IQSEC1: variants seen among roughly 807,000 people sequenced by gnomAD.
IQSEC1 encodes the protein IQ motif and SEC7 domain-containing protein 1.
Under a neutral mutation model 91.0 loss-of-function variants are expected in IQSEC1, and 31 were observed. The observed-to-expected ratio is 0.34, with a 90% CI of 0.26 to 0.46. IQSEC1 has a LOEUF of 0.46. Among genes scored for constraint, IQSEC1 ranks in the 20% least tolerant of loss-of-function variants. The pLI is 1.00. For synonymous variants in IQSEC1, 699 were observed against 662.6 expected (o/e 1.05, Z -0.84); for missense variants, 1,388 against 1,575.6 (o/e 0.88, Z 2.02).
intron 1 of IQSEC1, among the ~76,000 whole-genome samples, chr3:13,018,320 G>T (rs1326648459): frequency 6.6e-6 from 1 of 152,194 alleles, no homozygotes; most frequent in Non-Finnish European, 1.5e-5. Flanking sequence ...CGGCCCTCCT[G>T]CCCAGATGCA....
Position 12,900,870 on chromosome 3 carries a change from G to A in IQSEC1, c.*113C>T. The stretch of plus-strand genomic sequence containing the variant: ...TCCGGTTGGGCCGTGAGGGGCAGAG[G>A]GGAGAGATGGCAACAGAAGTGCCCC... On this transcript the variant is annotated 3_prime_UTR_variant, in exon 14 of 14. Transcript: ENST00000613206. The A allele has an allele frequency of 9.8e-6, 15 of 1,533,678 alleles. No individual in the cohort carries two copies. Among genetic ancestry groups the A allele is most frequent in the Non-Finnish European group, 1.3e-5 (15 of 1,145,628 alleles).
chr3:13,194,053 G>A (rs1367118277), intron 1 of IQSEC1, among the ~76,000 whole-genome samples: 1 of 152,156 alleles, frequency 6.6e-6, no homozygotes, highest in African/African-American at 2.4e-5. Context: ...TTCCCTCTGT[G>A]TGTGTCTGTG....
intron 1 of IQSEC1, among the ~76,000 whole-genome samples, chr3:13,204,026 T>C (rs1481293702): frequency 1.3e-5 from 2 of 152,140 alleles, no homozygotes; most frequent in Non-Finnish European, 2.9e-5. Context: ...CCAGCTCCCC[T>C]TCCCCCCGCC....
At chr3:12,906,105 A>G (rs1050423892) in intron 12 of IQSEC1, among the ~76,000 whole-genome samples, 4 of 152,122 alleles carry the variant, frequency 2.6e-5, no homozygotes, top group African/African-American at 9.7e-5. Flanking sequence ...CGGCCACTTC[A>G]TCAGTCCCCT....
Position 12,900,439 on chromosome 3 carries a change from A to G in IQSEC1, c.*544T>C. The G allele has an allele frequency of 1.2e-6, 1 of 854,550 alleles. No homozygotes were observed. The highest frequency in any genetic ancestry group is 5.4e-5 in the South Asian group (1 of 18,688). The allele number at this position is 854,550 out of a possible 1,614,324, so 52.9% of individuals were successfully genotyped here. Reference sequence around the variant, plus strand: ...AAACGCCTGCCTTTCACACACAAGTACTACCTATACAGTATATATATATAT... The same window carrying G: ...AAACGCCTGCCTTTCACACACAAGTGCTACCTATACAGTATATATATATAT... On this transcript the variant is annotated 3_prime_UTR_variant, in exon 14 of 14. Transcript: ENST00000613206.
In IQSEC1 at chr3:13,073,027, C is replaced by T. The variant is rs1363884003; in HGVS notation, c.-13G>A. ...TTCTGCAAGCCATCCTGTGTGAATCCGTTCTTCCCTGTTCTGGCTCCCTCT... is the reference window on the plus strand; with the variant it reads ...TTCTGCAAGCCATCCTGTGTGAATCTGTTCTTCCCTGTTCTGGCTCCCTCT... On this transcript the variant is annotated 5_prime_UTR_variant, in exon 1 of 14. Transcript: ENST00000613206. 25 of 1,551,634 alleles carry T rather than the reference C, an allele frequency of 1.6e-5. 1 individual carries two copies. In the South Asian group the frequency reaches 2.1e-4, roughly 13 times the overall value.
intron 2 of IQSEC1, among the ~76,000 whole-genome samples, chr3:13,152,727 C>T (rs13059983): frequency 0.55 from 83,963 of 151,930 alleles, 23,386 homozygotes; most frequent in Middle Eastern, 0.6. Context: ...AAAAATTAGC[C>T]GGGTGCGGTG....
At chr3:12,944,761 G>A (rs1196350744) in intron 1 of IQSEC1, among the ~76,000 whole-genome samples, 3 of 152,236 alleles carry the variant, frequency 2.0e-5, no homozygotes, top group African/African-American at 7.2e-5. Flanking sequence ...CACAGAGACA[G>A]ACAAGCAGTT....
chr3:13,093,213 A>G (rs1705893416), intron 2 of IQSEC1, among the ~76,000 whole-genome samples: 1 of 116,918 alleles, frequency 8.6e-6, no homozygotes, highest in South Asian at 2.9e-4. Context: ...CAAATAAACA[A>G]ACTCACTTAT....
At chr3:13,264,150 C>T (rs151244840) in intron 1 of IQSEC1, among the ~76,000 whole-genome samples, 3 of 152,234 alleles carry the variant, frequency 2.0e-5, no homozygotes, top group Non-Finnish European at 1.5e-5. Flanking sequence ...GGAAAGTCCC[C>T]TTCCCTGGAG....
intron 3 of IQSEC1, among the ~76,000 whole-genome samples, chr3:12,927,041 T>G (rs1421514427): frequency 6.6e-6 from 1 of 152,100 alleles, no homozygotes; most frequent in East Asian, 1.9e-4. Context: ...AAACAAGAAC[T>G]GCTCCAATGC....
intron 1 of IQSEC1, among the ~76,000 whole-genome samples, chr3:13,254,031 C>G (rs1484007320): frequency 1.3e-5 from 2 of 152,244 alleles, no homozygotes; most frequent in Non-Finnish European, 2.9e-5. Flanking sequence ...CACATAACTA[C>G]AAGCCCTGCC....
chr3:12,963,791 A>G (rs1032735274), intron 1 of IQSEC1, among the ~76,000 whole-genome samples: 8 of 152,244 alleles, frequency 5.3e-5, no homozygotes, highest in Non-Finnish European at 1.2e-4. Flanking sequence ...AGGGCCTGGT[A>G]CAAAGTTGGT....
intron 3 of IQSEC1, among the ~76,000 whole-genome samples, chr3:12,933,318 T>C (rs1697867416): frequency 6.6e-6 from 1 of 152,208 alleles, no homozygotes; most frequent in African/African-American, 2.4e-5. Flanking sequence ...GTGCTAGTTA[T>C]GAAAAGCTAG....
chr3:13,136,071 G>A (rs1269523577), intron 2 of IQSEC1, among the ~76,000 whole-genome samples: 2 of 152,236 alleles, frequency 1.3e-5, no homozygotes, highest in Non-Finnish European at 2.9e-5. Context: ...GCCCCACAGG[G>A]CCGCCTGCGG....
rs1488883112 is a variant in IQSEC1 at position 12,911,651 on chromosome 3, C to T, written c.2394G>A (p.Gln798=). The T allele has an allele frequency of 6.2e-7, 1 of 1,613,876 alleles. No individual in the cohort carries two copies. The highest frequency in any genetic ancestry group is 8.5e-7 in the Non-Finnish European group (1 of 1,179,844). ...FRQSFSLYGM[Q]VLLFENQYYP... ...TACACTGGTTCTCGAAGAGCAGGAC[C>T]TGCATGCCGTACAAGGAGAAGGACT... The change falls in exon 10 of 14, where the codon CAG becomes CAA. Residue 798 remains glutamine, a synonymous_variant. Transcript: ENST00000613206.
At chr3:13,066,598 A>G (rs955095597) in intron 1 of IQSEC1, among the ~76,000 whole-genome samples, 5 of 152,122 alleles carry the variant, frequency 3.3e-5, no homozygotes, top group African/African-American at 4.8e-5. Context: ...CAGGAGTTGG[A>G]ACGTTGTGGG....
chr3:12,984,895 G>A (rs1250747902), intron 1 of IQSEC1, among the ~76,000 whole-genome samples: 1 of 142,498 alleles, frequency 7.0e-6, no homozygotes, highest in African/African-American at 2.7e-5. Context: ...CGCTATCCCG[G>A]CTCACTGCAA....
At chr3:13,161,228 T>G (rs1707169220) in intron 2 of IQSEC1, among the ~76,000 whole-genome samples, 1 of 151,390 alleles carries the variant, frequency 6.6e-6, no homozygotes, top group Non-Finnish European at 1.5e-5. Context: ...GCAGCTGCGC[T>G]GGTAGGGGTG....
Sources: allele counts gnomAD v4.1 joint callset (sites outside exome capture counted in the v4.1 genomes callset), GRCh38; gene constraint gnomAD v4.1.1; transcripts MANE v1.5; gene names NCBI Gene and HGNC (gene_info 2026-07-23, HGNC 2026-07-21).